The following MCC variants were observed in gnomAD, a reference collection of about 807,000 sequenced individuals.
The protein encoded by MCC is colorectal mutant cancer protein.
MCC carries 90 observed loss-of-function variants against 116.2 expected under a neutral mutation model. The observed-to-expected ratio is 0.77, with a 90% CI of 0.65 to 0.92. The LOEUF (loss-of-function observed/expected upper bound fraction) is 0.92, where lower values mean the gene tolerates loss of function less well. MCC is among the 40% of genes least tolerant of loss of function. The pLI, the probability that MCC is intolerant of heterozygous loss-of-function variation, is 0.00. For missense variants in MCC, 1,516 were observed against 1,312.2 expected (o/e 1.16, Z -2.40); for synonymous variants, 578 against 510.5 (o/e 1.13, Z -1.78).
At position 113,026,396 on chromosome 5, in the gene MCC, C is replaced by T. The variant is rs1160452527; in HGVS notation, c.*906G>A. On this transcript the variant is annotated 3_prime_UTR_variant, in exon 19 of 19. Coordinates refer to ENST00000408903, the MANE Select transcript of MCC (RefSeq NM_001085377.2). ...GCACCCATGTGGAAGAGATTTGATTCAGCAGAACAGCAATTATGTAGTGCC... is the reference window on the plus strand; with the variant it reads ...GCACCCATGTGGAAGAGATTTGATTTAGCAGAACAGCAATTATGTAGTGCC... 3.3e-5 allele frequency: 5 copies of T among 152,242 alleles called. No homozygotes were observed. The highest frequency in any genetic ancestry group is 1.2e-4 in the African/African-American group (5 of 41,458). The allele number at this position is 152,242 out of a possible 1,614,324, so 9.4% of individuals were successfully genotyped here.
At chr5:113,414,285 C>T (rs965203939) in intron 1 of MCC, among the ~76,000 whole-genome samples, 9 of 152,108 alleles carry the variant, frequency 5.9e-5, no homozygotes, top group African/African-American at 1.9e-4. Context: ...CTATTAGGTC[C>T]ACTTGGTGCA....
chr5:113,161,138 T>C (rs919798113), intron 3 of MCC, among the ~76,000 whole-genome samples: 3 of 152,336 alleles, frequency 2.0e-5, no homozygotes, highest in South Asian at 4.1e-4. Flanking sequence ...ACGAAAATTA[T>C]GTGGTTATAC....
In MCC at chr5:113,434,602, C is replaced by G. The variant is rs761565170; in HGVS notation, c.171-49390G>C. The G allele has an allele frequency of 6.8e-6, 11 of 1,613,740 alleles. No individual in the cohort carries two copies. The highest frequency in any genetic ancestry group is 9.3e-6 in the Non-Finnish European group (11 of 1,179,890). The stretch of plus-strand genomic sequence containing the variant: ...ATGTAGACCTTGCCATGTGATGTCT[C>G]AAAGATCTCGTAGGTCTTAATGATG... On this transcript the variant is annotated intron_variant, in intron 1 of 18. Transcript: ENST00000408903. The surrounding 1 kb of genome is among the most constrained non-coding windows in gnomAD (Gnocchi z 4.2).
intron 12 of MCC, among the ~76,000 whole-genome samples, chr5:113,068,958 T>C (rs571626449): frequency 1.4e-4 from 21 of 152,336 alleles, no homozygotes; most frequent in African/African-American, 4.8e-4. Flanking sequence ...CATACAACAA[T>C]AGGTAGCTGA....
chr5:113,106,903 C>T (rs77319539), intron 6 of MCC, among the ~76,000 whole-genome samples: 9 of 152,200 alleles, frequency 5.9e-5, no homozygotes, highest in African/African-American at 1.2e-4. Flanking sequence ...ATCTCCCCAA[C>T]AAGCTCTTCC....
At chr5:113,233,268 A>C (rs1764004818) in intron 3 of MCC, among the ~76,000 whole-genome samples, 1 of 152,232 alleles carries the variant, frequency 6.6e-6, no homozygotes, top group South Asian at 2.1e-4. Context: ...CATGAACTGC[A>C]AAAGCTGAAA....
At chr5:113,069,854 G>A (rs1028569846) in intron 12 of MCC, among the ~76,000 whole-genome samples, 7 of 152,170 alleles carry the variant, frequency 4.6e-5, no homozygotes, top group Non-Finnish European at 7.3e-5. Context: ...CTAAAATGCT[G>A]GGATTCCAGG....
At chr5:113,358,961 T>G (rs936795746) in intron 2 of MCC, among the ~76,000 whole-genome samples, 1 of 152,214 alleles carries the variant, frequency 6.6e-6, no homozygotes, top group African/African-American at 2.4e-5. Context: ...AATCTGTGCC[T>G]GTGGTCACAA....
chr5:113,167,351 C>T (rs1760823576), intron 3 of MCC, among the ~76,000 whole-genome samples: 1 of 152,190 alleles, frequency 6.6e-6, no homozygotes, highest in African/African-American at 2.4e-5. Flanking sequence ...ACTTCATTCC[C>T]TGATGTGCTT....
At chr5:113,386,754 C>CATATATATATATATATAT (rs10673164) in intron 1 of MCC, among the ~76,000 whole-genome samples, 1,782 of 140,744 alleles carry the variant, frequency 0.013, 24 homozygotes, top group East Asian at 0.016. Context: ...ATATGTATAT[C>CATATATATATATATATAT]ATATATATAT....
intron 1 of MCC, among the ~76,000 whole-genome samples, chr5:113,407,707 C>A (rs1230487186): frequency 6.6e-6 from 1 of 152,098 alleles, no homozygotes; most frequent in Non-Finnish European, 1.5e-5. Flanking sequence ...TATACGTGTG[C>A]CATGGGGGTT....
At chr5:113,469,675 G>C (rs978266893) in intron 1 of MCC, among the ~76,000 whole-genome samples, 22 of 152,204 alleles carry the variant, frequency 1.4e-4, no homozygotes, top group African/African-American at 5.1e-4. Flanking sequence ...TTGGGGTGGA[G>C]AGTTCTGTAG....
At chr5:113,046,685 C>CAAAA (rs151183145) in intron 16 of MCC, among the ~76,000 whole-genome samples, 21 of 58,390 alleles carry the variant, frequency 3.6e-4, no homozygotes, top group African/African-American at 9.2e-4. Context: ...ACTCAAAAGG[C>CAAAA]AAAAAAAAAA....
At chr5:113,265,784 C>G (rs1765396453) in intron 3 of MCC, among the ~76,000 whole-genome samples, 2 of 152,112 alleles carry the variant, frequency 1.3e-5, no homozygotes, top group South Asian at 4.2e-4. Context: ...TTACACCTCC[C>G]CTGCTTCAGA....
rs189199605 is a variant in MCC, at chr5:113,348,687, G to A, written c.416-7957C>T. Among the ~76,000 whole-genome samples, 189 of 151,248 alleles carry A rather than the reference G, an allele frequency of 1.2e-3. 6 individuals are homozygous for A. The East Asian group carries it at 0.02, about 16-fold the overall frequency. ...GAGCAAATCAAACCCAAAATTAGTAGGAAAAAATAATTATAAAGATCAGAG... is the reference window on the plus strand; with the variant it reads ...GAGCAAATCAAACCCAAAATTAGTAAGAAAAAATAATTATAAAGATCAGAG... On this transcript the variant is annotated intron_variant, in intron 2 of 18. Coordinates refer to ENST00000408903, the MANE Select transcript of MCC (RefSeq NM_001085377.2).
intron 3 of MCC, among the ~76,000 whole-genome samples, chr5:113,310,040 T>C (rs1389395827): frequency 1.3e-5 from 2 of 152,118 alleles, no homozygotes; most frequent in Non-Finnish European, 2.9e-5. Context: ...TTCCCAGTTA[T>C]AAGGAATACA....
chr5:113,164,166 A>G (rs904005044), intron 3 of MCC, among the ~76,000 whole-genome samples: 2 of 152,172 alleles, frequency 1.3e-5, no homozygotes, highest in African/African-American at 4.8e-5. Context: ...CTCTTATCCA[A>G]CAGTCCAGCC....
In MCC at chr5:113,169,906, G is replaced by A. The variant is rs148954139; in HGVS notation, c.628-18484C>T. Among the ~76,000 whole-genome samples, 47 of 152,220 alleles carry A rather than the reference G, an allele frequency of 3.1e-4. 1 individual carries two copies. The East Asian group carries it at 6.9e-3, about 22-fold the overall frequency. ...AGCAAAGTGCACTGTTTGGGAGATC[G>A]GCATAAATGATAACATTTCTATTCT... On this transcript the variant is annotated intron_variant, in intron 3 of 18. Coordinates refer to ENST00000408903, the MANE Select transcript of MCC (RefSeq NM_001085377.2).
At chr5:113,238,640 GA>G (rs1292291738) in intron 3 of MCC, among the ~76,000 whole-genome samples, 1 of 152,138 alleles carries the variant, frequency 6.6e-6, no homozygotes, top group African/African-American at 2.4e-5. Context: ...TATAAACAAA[GA>G]GACCAGAGAT....
Sources: gnomAD v4.1 joint callset for allele counts (sites outside exome capture counted in the v4.1 genomes callset) on GRCh38, gnomAD v4.1.1 for gene constraint, Gnocchi (gnomAD v3.1) non-coding constraint, MANE v1.5 for transcripts, NCBI Gene and HGNC (gene_info 2026-07-23, HGNC 2026-07-21) for gene names.